The following UNK variants were observed in gnomAD, a reference collection of about 807,000 sequenced individuals.
The protein encoded by UNK is unk zinc finger, also known as RING finger protein unkempt homolog.
A neutral mutation model predicts 97.6 loss-of-function variants in UNK; 32 were observed. The ratio of observed to expected loss-of-function variants is 0.33; its 90% CI spans 0.25 to 0.44. The LOEUF (loss-of-function observed/expected upper bound fraction) is 0.44, where lower values mean the gene tolerates loss of function less well. UNK is among the 20% of genes least tolerant of loss of function. UNK has a pLI of 1.00. For missense variants in UNK, 771 were observed against 1,098.4 expected (o/e 0.70, Z 4.21); for synonymous variants, 441 against 461.2 (o/e 0.96, Z 0.56).
Position 75,824,566 on chromosome 17 carries a change from A to G in UNK, c.*149A>G, listed in dbSNP as rs2062101648. On this transcript the variant is annotated 3_prime_UTR_variant, in exon 16 of 16. Coordinates refer to ENST00000589666, the MANE Select transcript of UNK (RefSeq NM_001080419.3). This position sits in a 1 kb window ranked among gnomAD's most constrained non-coding sequence, Gnocchi z 4.9. The stretch of plus-strand genomic sequence containing the variant: ...TGTATACATTTCCGTATGTATGTAT[A>G]TGTATACATTTCCGTATGTGTGCAG... 5.1e-6 allele frequency: 3 copies of G among 582,794 alleles called. No individual in the cohort carries two copies. The highest frequency in any genetic ancestry group is 7.0e-6 in the Non-Finnish European group (3 of 429,346). The allele number at this position is 582,794 out of a possible 1,614,324, so 36.1% of individuals were successfully genotyped here.
rs2062036242 is a variant in UNK at position 75,818,448 on chromosome 17, C to T, written c.1372-194C>T. ...TACAGGACTGTAGGGGCGAATGGGC[C>T]TGGCAGCCTCCGCACCTCCAACTCC... On this transcript the variant is annotated intron_variant, in intron 10 of 15. Transcript: ENST00000589666. This position sits in a 1 kb window ranked among gnomAD's most constrained non-coding sequence, Gnocchi z 5.1. 6.6e-6 allele frequency among the ~76,000 whole-genome samples: 1 copy of T among 152,184 alleles called. No individual in the cohort carries two copies. The highest frequency in any genetic ancestry group is 1.5e-5 in the Non-Finnish European group (1 of 68,020).
chr17:75,788,346 A>T (rs2061732377), intron 1 of UNK, among the ~76,000 whole-genome samples: 1 of 151,968 alleles, frequency 6.6e-6, no homozygotes, highest in African/African-American at 2.4e-5. Flanking sequence ...TGGCTGGCTA[A>T]TTTTTGTATT....
Position 75,817,977 on chromosome 17 carries a change from C to A in UNK, c.1306-126C>A. 3.5e-6 allele frequency: 3 copies of A among 852,304 alleles called. No individual in the cohort carries two copies. The highest frequency in any genetic ancestry group is 3.8e-6 in the Non-Finnish European group (2 of 524,144). The allele number at this position is 852,304 out of a possible 1,614,324, so 52.8% of individuals were successfully genotyped here. A position where few individuals can be genotyped will look rare whatever the true frequency, so the allele number is the denominator to read the frequency against. On this transcript the variant is annotated intron_variant, in intron 9 of 15. Transcript: ENST00000589666. This position sits in a 1 kb window ranked among gnomAD's most constrained non-coding sequence, Gnocchi z 5.8. ...GTGGGGAGGAAGAAGGGGGTGTGTG[C>A]ATGCATGTGAAGAGGGGTTGCATGT...
At chr17:75,804,351 AG>A (rs1382405324) in intron 1 of UNK, among the ~76,000 whole-genome samples, 2 of 152,154 alleles carry the variant, frequency 1.3e-5, no homozygotes, top group Non-Finnish European at 2.9e-5. Flanking sequence ...GCTACTCAGG[AG>A]GCTGAGGCAG....
intron 1 of UNK, among the ~76,000 whole-genome samples, chr17:75,807,362 C>T (rs998796421): frequency 6.6e-6 from 1 of 152,204 alleles, no homozygotes; most frequent in East Asian, 1.9e-4. Flanking sequence ...ACAGCCACTG[C>T]ACTCCAGCCT....
chr17:75,807,827 G>T (rs1393966835), intron 1 of UNK, among the ~76,000 whole-genome samples: 1 of 152,082 alleles, frequency 6.6e-6, no homozygotes, highest in Non-Finnish European at 1.5e-5. Context: ...GACCTCAGGT[G>T]ATCCGCCCGC....
chr17:75,812,501 G>A lies in UNK; in HGVS notation c.538G>A (p.Glu180Lys), dbSNP rs776679700. The change falls in exon 4 of 16, where the codon GAG becomes AAG. Residue 180 changes from glutamate (E) to lysine (K), a missense_variant. Physicochemically the swap from Glu to Lys is moderately conservative, Grantham distance 56. Transcript: ENST00000589666. ...EALQNGQTTVEGSIEGQSAGA... is the reference protein window; with the variant it reads ...EALQNGQTTVKGSIEGQSAGA... Reference sequence around the variant, plus strand: ...CTTGCAGAATGGCCAGACCACGGTAGAGGGGAGCATAGAGGGCCAGTCGGC... The same window carrying A: ...CTTGCAGAATGGCCAGACCACGGTAAAGGGGAGCATAGAGGGCCAGTCGGC... The A allele has an allele frequency of 6.2e-7, 1 of 1,612,662 alleles. No homozygotes were observed. The highest frequency in any genetic ancestry group is 1.1e-5 in the South Asian group (1 of 90,968).
intron 1 of UNK, among the ~76,000 whole-genome samples, chr17:75,801,997 G>A (rs1177804072): frequency 2.6e-5 from 4 of 151,900 alleles, no homozygotes; most frequent in African/African-American, 9.7e-5. Flanking sequence ...ATAGGTGTGA[G>A]CCACCACGCC....
At chr17:75,797,836 C>A (rs1402325534) in intron 1 of UNK, among the ~76,000 whole-genome samples, 2 of 152,162 alleles carry the variant, frequency 1.3e-5, no homozygotes, top group African/African-American at 4.8e-5. Context: ...GGGCTTACAT[C>A]TTGCTGTTCA....
At position 75,818,234 on chromosome 17, in the gene UNK, G is replaced by T; in HGVS notation, c.1371+66G>T. ...CAGGAGTGGCCCAGAACCCCAGGAG[G>T]CTTCGGGGAGTGGGAGGCACCACTT... On this transcript the variant is annotated intron_variant, in intron 10 of 15. Transcript: ENST00000589666. This position sits in a 1 kb window ranked among gnomAD's most constrained non-coding sequence, Gnocchi z 5.1. 6.4e-7 allele frequency: 1 copy of T among 1,570,834 alleles called. No individual in the cohort carries two copies. Among genetic ancestry groups the T allele is most frequent in the South Asian group, 1.1e-5 (1 of 88,926 alleles).
At position 75,824,274 on chromosome 17, in the gene UNK, A is replaced by G. The variant is rs758297091; in HGVS notation, c.2290A>G (p.Met764Val). 2 of 1,599,544 alleles carry G rather than the reference A, an allele frequency of 1.3e-6. No individual in the cohort carries two copies. The highest frequency in any genetic ancestry group is 4.6e-5 in the East Asian group (2 of 43,232). The change falls in exon 16 of 16, where the codon ATG becomes GTG. Residue 764 changes from methionine to valine, a missense_variant. Met to Val is a conservative substitution (Grantham distance 21). This residue lies in a region of UNK where 208 missense variants were observed against 257.4 expected (regional missense o/e 0.81). Coordinates refer to ENST00000589666, the MANE Select transcript of UNK (RefSeq NM_001080419.3). This position sits in a 1 kb window ranked among gnomAD's most constrained non-coding sequence, Gnocchi z 4.9. ...CCTTTCCCTGCAGGCCGTGTTCCACATGCAGTCGGTGAAATGCCTTAAGTG... is the reference window on the plus strand; with the variant it reads ...CCTTTCCCTGCAGGCCGTGTTCCACGTGCAGTCGGTGAAATGCCTTAAGTG... The part of the protein sequence containing the change: ...LEQVDKAVFH[M>V]QSVKCLKCQE...
chr17:75,818,630 C>T lies in UNK; in HGVS notation c.1372-12C>T, dbSNP rs1238219832. On this transcript the variant is annotated splice_polypyrimidine_tract_variant and intron_variant, in intron 10 of 15. Coordinates refer to ENST00000589666, the MANE Select transcript of UNK (RefSeq NM_001080419.3). This position sits in a 1 kb window ranked among gnomAD's most constrained non-coding sequence, Gnocchi z 5.1. ...CCTACCATTGCTTCTCCTCTTCCCT[C>T]TCTCGTTGCAGGACATGCTGGGCAT... is the stretch of plus-strand genomic sequence containing the variant. 5.7e-6 allele frequency: 9 copies of T among 1,580,912 alleles called. No homozygotes were observed. Among genetic ancestry groups the T allele is most frequent in the Non-Finnish European group, 7.8e-6 (9 of 1,160,802 alleles).
At chr17:75,785,273 T>C (rs548101829) in intron 1 of UNK, 96 of 373,496 alleles carry the variant, frequency 2.6e-4, no homozygotes, top group African/African-American at 2.0e-3. Context: ...GAGGCCTAAC[T>C]GTTCCTCAGA....
At chr17:75,820,442 C>T (rs2062056798) in intron 13 of UNK, among the ~76,000 whole-genome samples, 1 of 152,206 alleles carries the variant, frequency 6.6e-6, no homozygotes, top group Non-Finnish European at 1.5e-5. Flanking sequence ...GGCCTGGTCT[C>T]TTTCACAGCA....
At chr17:75,804,573 C>T (rs568756229) in intron 1 of UNK, among the ~76,000 whole-genome samples, 1 of 151,250 alleles carries the variant, frequency 6.6e-6, no homozygotes, top group Non-Finnish European at 1.5e-5. Context: ...CATGGTGGCT[C>T]ATGCCTGTAA....
Position 75,819,355 on chromosome 17 carries a change from T to A in UNK, c.1547-329T>A. On this transcript the variant is annotated intron_variant, in intron 11 of 15. Coordinates refer to ENST00000589666, the MANE Select transcript of UNK (RefSeq NM_001080419.3). This position sits in a 1 kb window ranked among gnomAD's most constrained non-coding sequence, Gnocchi z 5.4. ...TGCCCAGAGACCCGCCCACCCCCAC[T>A]GATCCCGGGGCTGAGACCCTTGAGT... The A allele has an allele frequency of 5.7e-6, 2 of 351,760 alleles. No homozygotes were observed. The highest frequency in any genetic ancestry group is 1.1e-5 in the Non-Finnish European group (2 of 188,888). 21.8% of individuals were successfully genotyped at this position (351,760 alleles called of 1,614,324 possible). A position where few individuals can be genotyped will look rare whatever the true frequency, so the allele number is the denominator to read the frequency against.
chr17:75,820,369 G>A (rs557206951), intron 13 of UNK, among the ~76,000 whole-genome samples: 244 of 152,334 alleles, frequency 1.6e-3, no homozygotes, highest in Non-Finnish European at 2.3e-3. Flanking sequence ...TGGAGTAATG[G>A]GGCTGAAGTG....
rs56285530 is a variant in UNK, at chr17:75,802,998, C to T, written c.105-6762C>T. Among the ~76,000 whole-genome samples the T allele has an allele frequency of 9.4e-3, 759 of 80,830 alleles. 229 individuals carry two copies. Among genetic ancestry groups the T allele is most frequent in the Middle Eastern group, 0.011 (2 of 174 alleles). 53.0% of individuals were successfully genotyped at this position (80,830 alleles called of 152,430 possible). A position where few individuals can be genotyped will look rare whatever the true frequency, so the allele number is the denominator to read the frequency against. On this transcript the variant is annotated intron_variant, in intron 1 of 15. Coordinates refer to ENST00000589666, the MANE Select transcript of UNK (RefSeq NM_001080419.3). Reference sequence around the variant, plus strand: ...AAATTACAGGCCGGACGCGGTGGCTCACACCTGTAATCCCAGCACTTTGAG... The same window carrying T: ...AAATTACAGGCCGGACGCGGTGGCTTACACCTGTAATCCCAGCACTTTGAG...
In UNK at chr17:75,822,629, T is replaced by C. The variant is rs772446175; in HGVS notation, c.1990T>C (p.Trp664Arg). The change falls in exon 14 of 16, where the codon TGG becomes CGG. Residue 664 changes from tryptophan (W) to arginine (R), a missense_variant. Transcript: ENST00000589666. ...TGAAGCCAACAGCACCATCAAGCAG[T>C]GGGAGGAGTCCTGGAAGCAGGCCAA... Reference protein sequence around the residue: ...LDEANSTIKQWEESWKQAKQA... With the variant: ...LDEANSTIKQREESWKQAKQA... 1 of 1,611,356 alleles carries C rather than the reference T, an allele frequency of 6.2e-7. No individual in the cohort carries two copies. The highest frequency in any genetic ancestry group is 8.5e-7 in the Non-Finnish European group (1 of 1,178,938).
Sources: allele counts gnomAD v4.1 joint callset (sites outside exome capture counted in the v4.1 genomes callset), GRCh38; gene constraint gnomAD v4.1.1; regional missense constraint gnomAD v4.1.1; non-coding constraint Gnocchi (gnomAD v3.1); transcripts MANE v1.5; gene names NCBI Gene and HGNC (gene_info 2026-07-23, HGNC 2026-07-21).